SNAPC4: variants seen among roughly 807,000 people sequenced by gnomAD.
SNAPC4 encodes the protein snRNA-activating protein complex subunit 4.
A neutral mutation model predicts 151.3 loss-of-function variants in SNAPC4; 127 were observed. The ratio of observed to expected loss-of-function variants is 0.84; its 90% CI spans 0.73 to 0.97. The LOEUF is 0.97. Among genes scored for constraint, SNAPC4 ranks in the 50% least tolerant of loss-of-function variants. The probability of loss-of-function intolerance (pLI) is 0.00; values close to 1 mark genes in which losing one functional copy is unlikely to be tolerated. For synonymous variants in SNAPC4, 1,002 were observed against 824.4 expected (o/e 1.22, Z -3.69); for missense variants, 2,186 against 1,935.0 (o/e 1.13, Z -2.43).
intron 4 of SNAPC4, 65 bp downstream of exon 4, chr9:136,395,538 G>A: frequency 6.4e-7 from 1 of 1,560,400 alleles, no homozygotes; most frequent in Middle Eastern, 1.7e-4. Flanking sequence ...GACCTGGGAG[G>A]CCCAGCTGTG....
At chr9:136,399,319 C>A (rs539042012) in intron 1 of SNAPC4, among the ~76,000 whole-genome samples, 11 of 152,322 alleles carry the variant, frequency 7.2e-5, no homozygotes, top group Admixed American at 3.3e-4. Context: ...CATCAGCAGC[C>A]CAGGTCCCCT....
At chr9:136,392,418 T>G (rs1360410934) in intron 9 of SNAPC4, 104 bp downstream of exon 9, 2 of 1,160,260 alleles carry the variant, frequency 1.7e-6, no homozygotes, top group Non-Finnish European at 2.6e-6. Flanking sequence ...CAGCAGAACC[T>G]GTTGCCAGGG....
rs779546964 is a variant in SNAPC4, at chr9:136,388,500, A to G, written c.1067T>C (p.Met356Thr). ...RKEWTEEEDR[M>T]LTQLVQEMRV... ...CATCTCCTGCACCAGCTGCGTGAGC[A>G]TGCGGTCCTCCTCCTCTGTCCACTC... Residue 356 changes from methionine to threonine, a missense_variant, in exon 11 of 24, where the codon ATG (methionine) becomes ACG (threonine). Met to Thr is a moderately conservative substitution (Grantham distance 81). Transcript: ENST00000684778. 6 of 1,613,160 alleles carry G rather than the reference A, an allele frequency of 3.7e-6. No individual in the cohort carries two copies. The highest frequency in any genetic ancestry group is 5.1e-6 in the Non-Finnish European group (6 of 1,179,702).
In SNAPC4 at chr9:136,376,344, C is replaced by G. The variant is rs1833443387; in HGVS notation, c.*7+5G>C. On this transcript the variant is annotated splice_donor_5th_base_variant and intron_variant, in intron 23 of 23. Coordinates refer to ENST00000684778, the MANE Select transcript of SNAPC4 (RefSeq NM_003086.4). ...AGGGCAGTGGCCTCCCCACTCAGGA[C>G]TCACCTGCTGCTCACACCAGCCGCC... 1 of 1,612,890 alleles carries G rather than the reference C, an allele frequency of 6.2e-7. No homozygotes were observed.
Position 136,384,820 on chromosome 9 carries a change from C to T in SNAPC4, c.1326-6G>A, listed in dbSNP as rs757716597. 21 of 1,543,012 alleles carry T rather than the reference C, an allele frequency of 1.4e-5. 1 individual carries two copies. Among genetic ancestry groups the T allele is most frequent in the African/African-American group, 8.3e-5 (6 of 72,340 alleles). ...AATGTAATCTCCTGAGATACCTGAACGTGACATGAAAAGCAAAGAACGTTT... is the reference window on the plus strand; with the variant it reads ...AATGTAATCTCCTGAGATACCTGAATGTGACATGAAAAGCAAAGAACGTTT... On this transcript the variant is annotated splice_region_variant and splice_polypyrimidine_tract_variant and intron_variant, in intron 13 of 23. Coordinates refer to ENST00000684778, the MANE Select transcript of SNAPC4 (RefSeq NM_003086.4).
intron 16 of SNAPC4, among the ~76,000 whole-genome samples, chr9:136,382,551 G>T (rs1030027055): frequency 6.6e-6 from 1 of 152,216 alleles, no homozygotes; most frequent in African/African-American, 2.4e-5. Context: ...CATTAACAGG[G>T]TCCCATGCCC....
At chr9:136,394,105 A>G (rs1564394071) in intron 7 of SNAPC4, 144 bp downstream of exon 7, 1 of 714,956 alleles carries the variant, frequency 1.4e-6, no homozygotes, top group African/African-American at 1.7e-5. Flanking sequence ...TTTTGAAGAG[A>G]TGGGGTCTCA....
rs747490668 is a variant in SNAPC4 at position 136,378,627 on chromosome 9, T to C, written c.3200A>G (p.His1067Arg). 20 of 1,556,820 alleles carry C rather than the reference T, an allele frequency of 1.3e-5. No homozygotes were observed. The highest frequency in any genetic ancestry group is 3.9e-5 in the Admixed American group (2 of 51,746). Residue 1067 changes from histidine (H) to arginine (R), a missense_variant, in exon 22 of 24, where the codon CAT becomes CGT. By Grantham distance (29) the His-to-Arg change is conservative. Transcript: ENST00000684778. Reference protein sequence around the residue: ...PLSLTHIGGPHVATSVPLPVT... With the variant: ...PLSLTHIGGPRVATSVPLPVT... ...AGGCAGGGGGACACTGGTCGCCACATGTGGCCCTCCTATGTGCGTCAGGCT... is the reference window on the plus strand; with the variant it reads ...AGGCAGGGGGACACTGGTCGCCACACGTGGCCCTCCTATGTGCGTCAGGCT...
rs1303639270 is a variant in SNAPC4 at position 136,383,358 on chromosome 9, G to A, written c.1811C>T (p.Ser604Phe). ...PAASLSPPKG[S>F]SASQGGSKEA... The stretch of plus-strand genomic sequence containing the variant: ...CTTGCTGCCGCCCTGGCTGGCACTG[G>A]ACCCCTTGGGAGGGCTGAGGGAGGC... Residue 604 changes from serine (S) to phenylalanine (F), a missense_variant, in exon 16 of 24, where the codon TCC becomes TTC. By Grantham distance (155) the Ser-to-Phe change is radical. Coordinates refer to ENST00000684778, the MANE Select transcript of SNAPC4 (RefSeq NM_003086.4). This position sits in a 1 kb window ranked among gnomAD's most constrained non-coding sequence, Gnocchi z 4.2. 1 of 1,606,388 alleles carries A rather than the reference G, an allele frequency of 6.2e-7. No individual in the cohort carries two copies. Among genetic ancestry groups the A allele is most frequent in the Admixed American group, 1.7e-5 (1 of 59,242 alleles).
At chr9:136,394,574 G>A (rs1418059181) in intron 6 of SNAPC4, among the ~76,000 whole-genome samples, 5 of 152,266 alleles carry the variant, frequency 3.3e-5, no homozygotes, top group African/African-American at 1.2e-4. Flanking sequence ...CTGAGCCAGA[G>A]GGTGGGGTGC....
rs1203104568 is a variant in SNAPC4, at chr9:136,377,800, C to T, written c.4027G>A (p.Ala1343Thr). ...VGGEAERPAG[A>T]LQASLGLVRG... ...ACCAGCCCCAGTGAGGCTTGCAGTG[C>T]TCCGGCCGGCCGCTCAGCCTCGCCC... is the stretch of plus-strand genomic sequence containing the variant. Residue 1343 changes from alanine to threonine, a missense_variant, in exon 22 of 24, where the codon GCA (alanine) becomes ACA (threonine). Coordinates refer to ENST00000684778, the MANE Select transcript of SNAPC4 (RefSeq NM_003086.4). The T allele has an allele frequency of 1.9e-6, 3 of 1,611,772 alleles. No individual in the cohort carries two copies. The highest frequency in any genetic ancestry group is 3.3e-5 in the Admixed American group (2 of 59,988).
At chr9:136,376,289 A>G (rs1308477311) in intron 23 of SNAPC4, 60 bp downstream of exon 23, 8 of 1,587,846 alleles carry the variant, frequency 5.0e-6, no homozygotes, top group Non-Finnish European at 6.9e-6. Flanking sequence ...GCCCCCTGCC[A>G]TCTGGACACC....
chr9:136,376,574 G>T (rs946320934), intron 22 of SNAPC4, 93 bp from the exon 23 acceptor site: 3 of 1,488,908 alleles, frequency 2.0e-6, no homozygotes, highest in African/African-American at 1.4e-5. Context: ...CCCTGTGGGT[G>T]AGTGTCCCAC....
intron 18 of SNAPC4, 97 bp downstream of exon 18, chr9:136,381,727 G>A: frequency 1.4e-6 from 2 of 1,465,340 alleles, no homozygotes; most frequent in Non-Finnish European, 1.8e-6. Flanking sequence ...CCCTGCTGAG[G>A]CCACTTCCCC....
intron 22 of SNAPC4, among the ~76,000 whole-genome samples, chr9:136,377,219 TCA>T (rs1833479788): frequency 6.6e-6 from 1 of 152,074 alleles, no homozygotes. Flanking sequence ...CGTGTGCGGC[TCA>T]GAGCCGGGTC....
At chr9:136,389,745 G>T (rs1312558597) in intron 10 of SNAPC4, among the ~76,000 whole-genome samples, 1 of 152,172 alleles carries the variant, frequency 6.6e-6, no homozygotes, top group African/African-American at 2.4e-5. Flanking sequence ...GAAGGCAAAG[G>T]ACTGGGGGGT....
chr9:136,397,468 G>C (rs536169758), intron 2 of SNAPC4, among the ~76,000 whole-genome samples: 1 of 149,838 alleles, frequency 6.7e-6, no homozygotes, highest in Non-Finnish European at 1.5e-5. Flanking sequence ...AGGCTGGGGG[G>C]GTCTCCTGTC....
At chr9:136,398,110 G>A (rs764116624) in intron 2 of SNAPC4, among the ~76,000 whole-genome samples, 189 bp downstream of exon 2, 1 of 151,982 alleles carries the variant, frequency 6.6e-6, no homozygotes, top group African/African-American at 2.4e-5. Flanking sequence ...GTCTTGCTGC[G>A]TTGTCCAGGC....
rs571430660 is a variant in SNAPC4, at chr9:136,392,703, C to G, written c.707G>C (p.Arg236Thr). 6.6e-5 allele frequency: 106 copies of G among 1,613,790 alleles called. 1 individual carries two copies. The South Asian group carries it at 9.6e-4, about 15-fold the overall frequency. Reference protein sequence around the residue: ...LERQALEKQGREAEKEIQDIN... With the variant: ...LERQALEKQGTEAEKEIQDIN... ...GTCCTGGATCTCCTTCTCGGCTTCCCTGCCCTGCTTCTCCAGGGCTTGCCT... is the reference window on the plus strand; with the variant it reads ...GTCCTGGATCTCCTTCTCGGCTTCCGTGCCCTGCTTCTCCAGGGCTTGCCT... Residue 236 changes from arginine (R) to threonine (T), a missense_variant, in exon 8 of 24, where the codon AGG becomes ACG. Coordinates refer to ENST00000684778, the MANE Select transcript of SNAPC4 (RefSeq NM_003086.4).
Sources: allele counts gnomAD v4.1 joint callset (sites outside exome capture counted in the v4.1 genomes callset), GRCh38; gene constraint gnomAD v4.1.1; non-coding constraint Gnocchi (gnomAD v3.1); transcripts MANE v1.5; gene names NCBI Gene and HGNC (gene_info 2026-07-23, HGNC 2026-07-21).